The following NF1 variants were observed in gnomAD, a reference collection of about 807,000 sequenced individuals.
NF1 encodes the protein neurofibromin 1.
NF1 carries 122 observed loss-of-function variants against 325.7 expected under a neutral mutation model. The ratio of observed to expected loss-of-function variants is 0.37; its 90% CI spans 0.32 to 0.44. NF1 has a LOEUF of 0.44. NF1 is among the 20% of genes least tolerant of loss of function. NF1 has a pLI of 1.00. For synonymous variants in NF1, 1,091 were observed against 1,186.0 expected, an observed-to-expected ratio of 0.92 and a Z score of 1.65; for missense variants, 2,140 against 3,415.4, an observed-to-expected ratio of 0.63 and a Z score of 9.31.
chr17:31,222,683 A>G (rs1328207558), intron 15 of NF1: 6 of 253,382 alleles, frequency 2.4e-5, no homozygotes, highest in African/African-American at 1.4e-4. Context: ...GGTGTATATT[A>G]TCTATAATTT....
chr17:31,284,700 G>A (rs770027551), intron 36 of NF1, among the ~76,000 whole-genome samples: 1 of 152,084 alleles, frequency 6.6e-6, no homozygotes, highest in South Asian at 2.1e-4. Context: ...CTAGGATTAC[G>A]GGCATAAGCC....
chr17:31,221,092 G>A (rs2066913334), intron 14 of NF1, among the ~76,000 whole-genome samples: 1 of 152,126 alleles, frequency 6.6e-6, no homozygotes, highest in Non-Finnish European at 1.5e-5. Flanking sequence ...CTGCTGGGTT[G>A]GGGGTGGAGG....
At chr17:31,227,500 A>C (rs2067036564) in intron 19 of NF1, 23 bp from the exon 20 acceptor site, 2 of 1,612,652 alleles carry the variant, frequency 1.2e-6, no homozygotes, top group Admixed American at 3.3e-5. Flanking sequence ...GTTGCTTTCA[A>C]GTGATAATTG....
Position 31,223,532 on chromosome 17 carries a change from T to C in NF1, c.1810T>C (p.Leu604=), listed in dbSNP as rs142712751. 3,184 of 1,612,762 alleles carry C rather than the reference T, an allele frequency of 2.0e-3. 4 individuals carry two copies. The highest frequency in any genetic ancestry group is 2.4e-3 in the Non-Finnish European group (2,866 of 1,178,964). ...TEILKWLREI[L]ICRNKFLLKN... Reference sequence around the variant, plus strand: ...AATTCTCAAGTGGTTGCGGGAAATATTGATCTGCAGGAATAAATTTCTTCT... The same window carrying C: ...AATTCTCAAGTGGTTGCGGGAAATACTGATCTGCAGGAATAAATTTCTTCT... Residue 604 remains leucine (L), a synonymous_variant, in exon 16 of 58, where the codon TTG becomes CTG. Transcript: ENST00000358273.
At position 31,325,873 on chromosome 17, in the gene NF1, C is replaced by T; in HGVS notation, c.4889C>T (p.Thr1630Ile). 1 of 1,614,194 alleles carries T rather than the reference C, an allele frequency of 6.2e-7. No homozygotes were observed. Among genetic ancestry groups the T allele is most frequent in the Non-Finnish European group, 8.5e-7 (1 of 1,180,012 alleles). ...GDLLIYHVLL[T>I]LKPYYAKPYE... ...TTGCTGATATACCATGTCTTACTGACTTTAAAGCCATATTATGCAAAGCCA... is the reference window on the plus strand; with the variant it reads ...TTGCTGATATACCATGTCTTACTGATTTTAAAGCCATATTATGCAAAGCCA... Residue 1630 changes from threonine (T) to isoleucine (I), a missense_variant, in exon 37 of 58, where the codon ACT (threonine) becomes ATT (isoleucine). Thr to Ile is a moderately conservative substitution (Grantham distance 89, BLOSUM62 -1). Transcript: ENST00000358273.
intron 36 of NF1, among the ~76,000 whole-genome samples, chr17:31,287,556 G>GTGTGTGTGTGTGTGTT (rs1432695554): frequency 5.3e-5 from 8 of 151,460 alleles, no homozygotes; most frequent in Non-Finnish European, 8.8e-5. Context: ...GTGTGTGTGT[G>GTGTGTGTGTGTGTGTT]TGTGTGTGTG....
intron 1 of NF1, among the ~76,000 whole-genome samples, chr17:31,126,628 G>T (rs552239964): frequency 2.6e-5 from 4 of 152,116 alleles, no homozygotes; most frequent in African/African-American, 7.2e-5. Context: ...TTTTTGTGGA[G>T]ATGGGGTTTT....
At chr17:31,282,615 C>G (rs775747090) in intron 36 of NF1, among the ~76,000 whole-genome samples, 1 of 152,066 alleles carries the variant, frequency 6.6e-6, no homozygotes. Context: ...ACAATATGTG[C>G]TCTTTTGTGA....
At chr17:31,189,758 A>AT (rs1007309645) in intron 8 of NF1, among the ~76,000 whole-genome samples, 3,146 of 118,542 alleles carry the variant, frequency 0.027, 85 homozygotes, top group East Asian at 0.076. Flanking sequence ...AAAGAAAAGT[A>AT]TTTTTTTTTT....
chr17:31,166,813 G>A (rs1053162058), intron 4 of NF1, among the ~76,000 whole-genome samples: 1 of 152,074 alleles, frequency 6.6e-6, no homozygotes, highest in Non-Finnish European at 1.5e-5. Context: ...TCTCCATGTG[G>A]ATGTTAAGCC....
At chr17:31,353,655 G>A (rs1567625694) in intron 51 of NF1, among the ~76,000 whole-genome samples, 1 of 152,088 alleles carries the variant, frequency 6.6e-6, no homozygotes, top group Non-Finnish European at 1.5e-5. Context: ...ATCTTACATC[G>A]CTCCTCAGAG....
chr17:31,154,673 G>GC (rs1917190529), intron 1 of NF1, among the ~76,000 whole-genome samples: 1 of 148,514 alleles, frequency 6.7e-6, no homozygotes, highest in Non-Finnish European at 1.5e-5. Flanking sequence ...TTTCTGTTCT[G>GC]CCCCCTCCTT....
At chr17:31,287,759 C>T (rs925041750) in intron 36 of NF1, among the ~76,000 whole-genome samples, 6 of 151,912 alleles carry the variant, frequency 3.9e-5, no homozygotes, top group Admixed American at 3.9e-4. Flanking sequence ...CAGGGTTTGC[C>T]GGGCTCAGAG....
chr17:31,292,779 T>G (rs561989602), intron 36 of NF1, among the ~76,000 whole-genome samples: 1 of 152,348 alleles, frequency 6.6e-6, no homozygotes, highest in Non-Finnish European at 1.5e-5. Context: ...GTGCTCCTAA[T>G]GCAGTAGTCT....
intron 36 of NF1, among the ~76,000 whole-genome samples, chr17:31,276,868 TA>T (rs1567870218): frequency 6.6e-6 from 1 of 152,168 alleles, no homozygotes; most frequent in African/African-American, 2.4e-5. Flanking sequence ...ACACTGGGGT[TA>T]GGGGCACTGA....
intron 5 of NF1, among the ~76,000 whole-genome samples, chr17:31,179,971 C>T (rs1035903146): frequency 6.6e-6 from 1 of 152,134 alleles, no homozygotes; most frequent in Non-Finnish European, 1.5e-5. Flanking sequence ...ACTATAAACA[C>T]CTCTGTGCAA....
intron 36 of NF1, among the ~76,000 whole-genome samples, chr17:31,267,198 T>G (rs1182399361): frequency 6.6e-6 from 1 of 152,168 alleles, no homozygotes; most frequent in Non-Finnish European, 1.5e-5. Context: ...CCCAAAGTGC[T>G]GGGAATTACA....
At chr17:31,317,522 C>G (rs140071027) in intron 36 of NF1, 1 of 151,986 alleles carries the variant, frequency 6.6e-6, no homozygotes, top group African/African-American at 2.4e-5. Flanking sequence ...TATTATTAAT[C>G]ATAAACAGTG....
At chr17:31,233,754 C>T (rs141735417) in intron 27 of NF1, among the ~76,000 whole-genome samples, 17 of 152,218 alleles carry the variant, frequency 1.1e-4, no homozygotes, top group East Asian at 7.7e-4. Flanking sequence ...AACGTTGAGA[C>T]GGGTTGTTGT....
Sources: gnomAD v4.1 joint callset for allele counts (sites outside exome capture counted in the v4.1 genomes callset) on GRCh38, gnomAD v4.1.1 for gene constraint, MANE v1.5 for transcripts, NCBI Gene and HGNC (gene_info 2026-07-23, HGNC 2026-07-21) for gene names.